PTPRD: variants seen among roughly 807,000 people sequenced by gnomAD.
PTPRD encodes protein tyrosine phosphatase receptor type D.
PTPRD carries 34 observed loss-of-function variants against 214.5 expected under a neutral mutation model. That is an observed-to-expected ratio of 0.16 (90% CI 0.12 to 0.21). The LOEUF (loss-of-function observed/expected upper bound fraction) is 0.21, where lower values mean the gene tolerates loss of function less well. Ranked by LOEUF, PTPRD falls within the 10% of genes least tolerant of loss-of-function variation. The probability of loss-of-function intolerance (pLI) is 1.00; values close to 1 mark genes in which losing one functional copy is unlikely to be tolerated. For missense variants in PTPRD, 2,545 were observed against 2,398.7 expected (o/e 1.06, Z -1.27); for synonymous variants, 1,128 against 845.7 (o/e 1.33, Z -5.79).
At chr9:9,850,064 T>G (rs888626487) in intron 5 of PTPRD, among the ~76,000 whole-genome samples, 3 of 151,954 alleles carry the variant, frequency 2.0e-5, no homozygotes, top group Non-Finnish European at 4.4e-5. Context: ...ACCCAGATAT[T>G]CCAAATCAAC....
At chr9:9,710,415 A>G (rs763236136) in intron 7 of PTPRD, among the ~76,000 whole-genome samples, 2 of 152,094 alleles carry the variant, frequency 1.3e-5, no homozygotes, top group Non-Finnish European at 2.9e-5. Flanking sequence ...CTTTCCCATT[A>G]TAAGATTTAG....
chr9:9,504,811 A>T (rs1018383440), intron 8 of PTPRD, among the ~76,000 whole-genome samples: 13 of 151,576 alleles, frequency 8.6e-5, no homozygotes, highest in African/African-American at 3.2e-4. Flanking sequence ...AAATTACAAG[A>T]TTGAAAATCA....
At chr9:8,745,927 A>G (rs2092745584) in intron 11 of PTPRD, among the ~76,000 whole-genome samples, 1 of 152,006 alleles carries the variant, frequency 6.6e-6, no homozygotes, top group Non-Finnish European at 1.5e-5. Context: ...CCCCCAGAGT[A>G]TCCGGGAATA....
chr9:9,817,339 TTAGA>T (rs2049088656), intron 5 of PTPRD, among the ~76,000 whole-genome samples: 1 of 152,164 alleles, frequency 6.6e-6, no homozygotes, highest in South Asian at 2.1e-4. Context: ...TAATATTAAC[TTAGA>T]TAGTATACAT....
intron 43 of PTPRD, among the ~76,000 whole-genome samples, chr9:8,333,705 ATTAACC>A (rs1843729251): frequency 6.6e-6 from 1 of 152,198 alleles, no homozygotes; most frequent in Non-Finnish European, 1.5e-5. Context: ...ATATAACAAT[ATTAACC>A]TTAAATGTAC....
intron 12 of PTPRD, among the ~76,000 whole-genome samples, chr9:8,661,770 T>C (rs1045592674): frequency 7.9e-5 from 12 of 152,350 alleles, no homozygotes; most frequent in African/African-American, 2.6e-4. Flanking sequence ...TTGACACTTA[T>C]TGAGTGCTTG....
At chr9:10,508,358 C>G (rs1181654498) in intron 2 of PTPRD, among the ~76,000 whole-genome samples, 2 of 152,122 alleles carry the variant, frequency 1.3e-5, no homozygotes, top group Non-Finnish European at 2.9e-5. Context: ...GGACTGTAAA[C>G]TAGTTCAACC....
intron 10 of PTPRD, among the ~76,000 whole-genome samples, chr9:9,101,888 A>T (rs896536985): frequency 6.6e-6 from 1 of 152,196 alleles, no homozygotes. Flanking sequence ...TTTAATCCGT[A>T]TTTTTTAAAA....
chr9:10,578,267 A>G (rs921247892), intron 2 of PTPRD, among the ~76,000 whole-genome samples: 1 of 152,134 alleles, frequency 6.6e-6, no homozygotes, highest in Non-Finnish European at 1.5e-5. Context: ...TCTAAACACA[A>G]TTAGATGCAC....
chr9:9,529,869 T>A (rs1334539837), intron 8 of PTPRD, among the ~76,000 whole-genome samples: 6 of 151,718 alleles, frequency 4.0e-5, no homozygotes, highest in Non-Finnish European at 8.8e-5. Context: ...TAAATATATT[T>A]ACACTCTATA....
At chr9:10,030,142 T>G (rs2097028104) in intron 4 of PTPRD, among the ~76,000 whole-genome samples, 1 of 152,190 alleles carries the variant, frequency 6.6e-6, no homozygotes, top group Non-Finnish European at 1.5e-5. Context: ...TGAAACCGCT[T>G]TCTTTTGTAA....
intron 9 of PTPRD, among the ~76,000 whole-genome samples, chr9:9,390,514 A>G (rs908421348): frequency 6.6e-6 from 1 of 152,190 alleles, no homozygotes; most frequent in Non-Finnish European, 1.5e-5. Flanking sequence ...CATAGAAACA[A>G]TAAAAGATAA....
chr9:10,608,021 G>T (rs181857485), intron 2 of PTPRD, among the ~76,000 whole-genome samples: 503 of 152,030 alleles, frequency 3.3e-3, no homozygotes, highest in Non-Finnish European at 5.3e-3. Context: ...AACCAACTTT[G>T]ATATCTTTTA....
At chr9:8,942,425 G>C (rs186150083) in intron 11 of PTPRD, among the ~76,000 whole-genome samples, 6 of 152,252 alleles carry the variant, frequency 3.9e-5, no homozygotes, top group African/African-American at 9.6e-5. Flanking sequence ...ATTAGATCTG[G>C]TGCACAGGAG....
chr9:8,457,759 G>T (rs7024486), intron 33 of PTPRD, among the ~76,000 whole-genome samples: 44,714 of 151,868 alleles, frequency 0.29, 7,265 homozygotes, highest in African/African-American at 0.45. Context: ...TCTCAAAGCA[G>T]TATTTGCATA....
intron 11 of PTPRD, among the ~76,000 whole-genome samples, chr9:8,818,268 C>A (rs2096964323): frequency 6.6e-6 from 1 of 152,170 alleles, no homozygotes. Flanking sequence ...TGTGTGGCCA[C>A]TGGAAAATTT....
At chr9:10,339,986 T>C (rs2096909457) in intron 3 of PTPRD, among the ~76,000 whole-genome samples, 1 of 151,822 alleles carries the variant, frequency 6.6e-6, no homozygotes. Context: ...ATTGACAATA[T>C]ATCCCTATTT....
chr9:8,843,868 G>C (rs1222756805), intron 11 of PTPRD, among the ~76,000 whole-genome samples: 1 of 152,174 alleles, frequency 6.6e-6, no homozygotes, highest in Non-Finnish European at 1.5e-5. Context: ...GGAGAGGTCA[G>C]CTGGAGTAAG....
chr9:10,581,104 T>G (rs2071593034), intron 2 of PTPRD, among the ~76,000 whole-genome samples: 1 of 152,134 alleles, frequency 6.6e-6, no homozygotes, highest in African/African-American at 2.4e-5. Context: ...TGGGCTTCAA[T>G]TTCCTCCTTT....
Sources: allele counts gnomAD v4.1 joint callset (sites outside exome capture counted in the v4.1 genomes callset), GRCh38; gene constraint gnomAD v4.1.1; transcripts MANE v1.5; gene names NCBI Gene and HGNC (gene_info 2026-07-23, HGNC 2026-07-21).